The following FGD2 variants were observed in gnomAD, a reference collection of about 807,000 sequenced individuals.
The protein encoded by FGD2 is FYVE, RhoGEF and PH domain containing 2.
A neutral mutation model predicts 75.9 loss-of-function variants in FGD2; 52 were observed. The ratio of observed to expected loss-of-function variants is 0.69; its 90% CI spans 0.55 to 0.86. The LOEUF (loss-of-function observed/expected upper bound fraction) is 0.86, where lower values mean the gene tolerates loss of function less well. FGD2 is among the 40% of genes least tolerant of loss of function. The pLI is 0.00. For missense variants in FGD2, 790 were observed against 872.0 expected (o/e 0.91, Z 1.18); for synonymous variants, 347 against 348.6 (o/e 1.00, Z 0.05).
intron 1 of FGD2, among the ~76,000 whole-genome samples, chr6:37,007,455 A>G (rs3734341): frequency 0.037 from 5,701 of 152,264 alleles, 144 homozygotes; most frequent in East Asian, 0.11. Context: ...CACCTCACTC[A>G]ACATGCTTGA....
chr6:37,025,479 T>C (rs1367552461), intron 13 of FGD2: 1 of 377,254 alleles, frequency 2.7e-6, no homozygotes, highest in African/African-American at 2.0e-5. Context: ...GCAAGCCCCT[T>C]GGGTTCACAG....
chr6:37,026,354 C>T (rs1184013593), intron 14 of FGD2: 1 of 985,312 alleles, frequency 1.0e-6, no homozygotes, highest in Admixed American at 6.1e-5. Flanking sequence ...TCCATTCTAA[C>T]TGGAAGGGAC....
At chr6:37,014,525 G>A in intron 6 of FGD2, 121 bp from the exon 7 acceptor site, 1 of 1,146,612 alleles carries the variant, frequency 8.7e-7, no homozygotes. Context: ...GCACAGGCAG[G>A]GCTGCTCCTG....
rs774719205 is a variant in FGD2 at position 37,027,389 on chromosome 6, G to A, written c.1606-40G>A. 7 of 1,572,056 alleles carry A rather than the reference G, an allele frequency of 4.5e-6. No individual in the cohort carries two copies. In the African/African-American group the frequency reaches 5.4e-5, roughly 12 times the overall value. Reference sequence around the variant, plus strand: ...CCCCAGACCAACATCTGGCACTTGCGGCTGCTCTGCTCCCTGACAGTCCCT... The same window carrying A: ...CCCCAGACCAACATCTGGCACTTGCAGCTGCTCTGCTCCCTGACAGTCCCT... On this transcript the variant is annotated intron_variant, in intron 14 of 15. Coordinates refer to ENST00000274963, the MANE Select transcript of FGD2 (RefSeq NM_173558.4).
At chr6:37,026,735 C>G (rs947755665) in intron 14 of FGD2, among the ~76,000 whole-genome samples, 2 of 152,024 alleles carry the variant, frequency 1.3e-5, no homozygotes, top group African/African-American at 4.8e-5. Flanking sequence ...CGGGAAGGCT[C>G]ATGCCTGTAA....
At chr6:37,015,070 T>G (rs1366834113) in intron 8 of FGD2, 32 bp downstream of exon 8, 2 of 1,600,470 alleles carry the variant, frequency 1.2e-6, no homozygotes, top group African/African-American at 2.7e-5. Flanking sequence ...CTCTCCACAC[T>G]GGGGAGGGAA....
chr6:37,011,927 C>A, intron 4 of FGD2, 73 bp downstream of exon 4: 2 of 1,539,300 alleles, frequency 1.3e-6, no homozygotes, highest in South Asian at 2.5e-5. Flanking sequence ...GACCCCAGGG[C>A]GCTAGGTTCA....
rs1304084982 is a variant in FGD2 at position 37,011,055 on chromosome 6, G to A, written c.378+5G>A. 9 of 1,614,068 alleles carry A rather than the reference G, an allele frequency of 5.6e-6. No homozygotes were observed. The highest frequency in any genetic ancestry group is 1.7e-5 in the Admixed American group (1 of 60,016). ...CGCCTCCACCTGCTAGACCAGGCCAGTGACCAGGACACCCCCCTCTAGAGC... is the reference window on the plus strand; with the variant it reads ...CGCCTCCACCTGCTAGACCAGGCCAATGACCAGGACACCCCCCTCTAGAGC... On this transcript the variant is annotated splice_donor_5th_base_variant and intron_variant, in intron 3 of 15. Transcript: ENST00000274963.
At chr6:37,014,213 A>G in intron 6 of FGD2, 113 bp downstream of exon 6, 1 of 1,264,036 alleles carries the variant, frequency 7.9e-7, no homozygotes, top group East Asian at 2.4e-5. Flanking sequence ...AACATCAACC[A>G]CTGGCACTTC....
chr6:37,015,896 C>G (rs142215592), intron 9 of FGD2, 36 bp downstream of exon 9: 1 of 1,540,312 alleles, frequency 6.5e-7, no homozygotes, highest in Non-Finnish European at 8.8e-7. Flanking sequence ...GGCTCCACCT[C>G]AAGGGTAGGA....
chr6:37,006,425 G>A (rs1035063966), intron 1 of FGD2, among the ~76,000 whole-genome samples: 6 of 152,050 alleles, frequency 3.9e-5, no homozygotes, highest in East Asian at 1.9e-4. Context: ...TTTAGTCATC[G>A]AACAGCCTAA....
In FGD2 at chr6:37,014,014, T is replaced by C; in HGVS notation, c.737T>C (p.Val246Ala). The C allele has an allele frequency of 6.2e-7, 1 of 1,614,052 alleles. No individual in the cohort carries two copies. Among genetic ancestry groups the C allele is most frequent in the Non-Finnish European group, 8.5e-7 (1 of 1,179,986 alleles). Residue 246 changes from valine (V) to alanine (A), a missense_variant, in exon 6 of 16, where the codon GTG (valine) becomes GCG (alanine). Coordinates refer to ENST00000274963, the MANE Select transcript of FGD2 (RefSeq NM_173558.4). ...CTGCAGCACCACATGCTGGAACCAG[T>C]GCAGAGAATTCCACGTTACGAGCTG... ...LTLQHHMLEP[V>A]QRIPRYELLL...
chr6:37,028,088 C>T lies in FGD2; in HGVS notation c.1893C>T (p.Arg631=). 6.2e-7 allele frequency: 1 copy of T among 1,613,576 alleles called. No individual in the cohort carries two copies. Among genetic ancestry groups the T allele is most frequent in the Non-Finnish European group, 8.5e-7 (1 of 1,180,000 alleles). The change falls in exon 16 of 16, where the codon CGC becomes CGT. Residue 631 remains arginine (R), a synonymous_variant. Coordinates refer to ENST00000274963, the MANE Select transcript of FGD2 (RefSeq NM_173558.4). ...FKAETEELKG[R]WVKAMERAAS... ...CCGAGACGGAGGAGCTGAAGGGCCG[C>T]TGGGTGAAGGCCATGGAGCGGGCGG... is the stretch of plus-strand genomic sequence containing the variant.
chr6:37,012,048 C>G (rs960349294), intron 4 of FGD2, 194 bp downstream of exon 4: 13 of 583,694 alleles, frequency 2.2e-5, no homozygotes, highest in Non-Finnish European at 3.4e-5. Context: ...TGTGTGCAGA[C>G]TGCTTCCTGG....
In FGD2 at chr6:37,022,325, C is replaced by G. The variant is rs766249153; in HGVS notation, c.1413C>G (p.Phe471Leu). ...VTMCMRCQEP[F>L]NALTRRRHHC... The stretch of plus-strand genomic sequence containing the variant: ...TGTGCATGCGCTGCCAGGAGCCCTT[C>G]AACGCTCTGACGCGCCGTCGCCACC... The change falls in exon 13 of 16, where the codon TTC becomes TTG. Residue 471 changes from phenylalanine (F) to leucine (L), a missense_variant. Physicochemically the swap from Phe to Leu is conservative, Grantham distance 22. Transcript: ENST00000274963. 7 of 1,590,094 alleles carry G rather than the reference C, an allele frequency of 4.4e-6. No homozygotes were observed. In the African/African-American group the frequency reaches 8.2e-5, roughly 19 times the overall value.
intron 13 of FGD2, 94 bp from the exon 14 acceptor site, chr6:37,025,698 G>C: frequency 7.4e-7 from 1 of 1,355,566 alleles, no homozygotes; most frequent in Non-Finnish European, 1.0e-6. Context: ...CCCAGTCCCT[G>C]GTTGCTCTCA....
chr6:37,021,982 A>T (rs1765609780), intron 12 of FGD2: 1 of 518,804 alleles, frequency 1.9e-6, no homozygotes, highest in Non-Finnish European at 3.4e-6. Flanking sequence ...TTTGAGCTGA[A>T]CTCTGGCTTG....
intron 13 of FGD2, chr6:37,022,688 C>T (rs1583320802): frequency 3.3e-6 from 1 of 302,290 alleles, no homozygotes; most frequent in Non-Finnish European, 6.2e-6. Flanking sequence ...CCTTGGCTTC[C>T]ACCAGTGTCA....
chr6:37,015,125 C>G, intron 8 of FGD2, 87 bp downstream of exon 8: 1 of 1,498,912 alleles, frequency 6.7e-7, no homozygotes, highest in Non-Finnish European at 8.9e-7. Flanking sequence ...TGGCCTCTAC[C>G]TGGCACTGCA....
Sources: allele counts gnomAD v4.1 joint callset (sites outside exome capture counted in the v4.1 genomes callset), GRCh38; gene constraint gnomAD v4.1.1; transcripts MANE v1.5; gene names NCBI Gene and HGNC (gene_info 2026-07-23, HGNC 2026-07-21).